The following COPB1 variants were observed in gnomAD, a reference collection of about 807,000 sequenced individuals.
COPB1 encodes coat protein complex I subunit beta 1.
Under a neutral mutation model 108.7 loss-of-function variants are expected in COPB1, and 21 were observed. The ratio of observed to expected loss-of-function variants is 0.19; its 90% CI spans 0.14 to 0.28. The LOEUF is 0.28. Ranked by LOEUF, COPB1 falls within the 10% of genes least tolerant of loss-of-function variation. COPB1 has a pLI of 1.00. For synonymous variants in COPB1, 378 were observed against 386.8 expected (o/e 0.98, Z 0.27); for missense variants, 919 against 1,141.3 (o/e 0.81, Z 2.81).
intron 5 of COPB1, among the ~76,000 whole-genome samples, chr11:14,490,210 G>A (rs1430305336): frequency 6.6e-6 from 1 of 152,158 alleles, no homozygotes; most frequent in Non-Finnish European, 1.5e-5. Context: ...TATTTCCACA[G>A]GCATGGCTAA....
Position 14,468,818 on chromosome 11 carries a change from G to T in COPB1, c.2008C>A (p.Pro670Thr), listed in dbSNP as rs1850340332. Reference protein sequence around the residue: ...KRNVTVQPDDPISFMQLTAKN... With the variant: ...KRNVTVQPDDTISFMQLTAKN... ...GCAGTTAGTTGCATGAAGGAAATGGGGTCATCAGGCTGTACTGTCACATTC... is the reference window on the plus strand; with the variant it reads ...GCAGTTAGTTGCATGAAGGAAATGGTGTCATCAGGCTGTACTGTCACATTC... Residue 670 changes from proline (P) to threonine (T), a missense_variant, in exon 16 of 22, where the codon CCC becomes ACC. This residue lies in a region of COPB1 where 705 missense variants were observed against 817.8 expected (regional missense o/e 0.86). Transcript: ENST00000439561. 1 of 1,613,786 alleles carries T rather than the reference G, an allele frequency of 6.2e-7. No homozygotes were observed. The highest frequency in any genetic ancestry group is 8.5e-7 in the Non-Finnish European group (1 of 1,179,870).
chr11:14,493,907 G>A, intron 3 of COPB1, 96 bp from the exon 4 acceptor site: 1 of 1,134,794 alleles, frequency 8.8e-7, no homozygotes, highest in Non-Finnish European at 1.2e-6. Context: ...AAATACGTTT[G>A]AGAAAAAACC....
chr11:14,476,937 G>A lies in COPB1; in HGVS notation c.1437C>T (p.Ile479=). 1 of 1,608,094 alleles carries A rather than the reference G, an allele frequency of 6.2e-7. No individual in the cohort carries two copies. The highest frequency in any genetic ancestry group is 2.2e-5 in the East Asian group (1 of 44,848). Residue 479 remains isoleucine, a synonymous_variant, in exon 12 of 22, where the codon ATC becomes ATT. Coordinates refer to ENST00000439561, the MANE Select transcript of COPB1 (RefSeq NM_001144061.2). Reference sequence around the variant, plus strand: ...AACATACCTCTCCAAGGGACCTGCGGATCTCAGTCATCACACTCTGAATGT... The same window carrying A: ...AACATACCTCTCCAAGGGACCTGCGAATCTCAGTCATCACACTCTGAATGT... ...KEDIQSVMTE[I]RRSLGEIPIV...
intron 2 of COPB1, 39 bp downstream of exon 2, chr11:14,498,799 C>G (rs751375326): frequency 6.7e-7 from 1 of 1,484,572 alleles, no homozygotes; most frequent in African/African-American, 1.4e-5. Flanking sequence ...TTTGTTTTTT[C>G]TTTTTTCATT....
intron 18 of COPB1, 120 bp downstream of exon 18, chr11:14,464,791 C>T (rs960589366): frequency 8.3e-6 from 9 of 1,087,876 alleles, no homozygotes; most frequent in Non-Finnish European, 1.3e-6. Context: ...TAGAGAGTAT[C>T]TCATAAATTA....
rs748122171 is a variant in COPB1, at chr11:14,458,651, G to A, written c.2683C>T (p.Leu895Phe). ...TCACCAAATATGGAACGAGCATAAAGGTTGGCTGCCATAAAGCCACAGTAA... is the reference window on the plus strand; with the variant it reads ...TCACCAAATATGGAACGAGCATAAAAGTTGGCTGCCATAAAGCCACAGTAA... Reference protein sequence around the residue: ...SGYCGFMAANLYARSIFGEDA... With the variant: ...SGYCGFMAANFYARSIFGEDA... The change falls in exon 21 of 22, where the codon CTT becomes TTT. Residue 895 changes from leucine (L) to phenylalanine (F), a missense_variant. This residue lies in a region of COPB1 where 705 missense variants were observed against 817.8 expected (regional missense o/e 0.86). Transcript: ENST00000439561. 1 of 1,612,726 alleles carries A rather than the reference G, an allele frequency of 6.2e-7. No individual in the cohort carries two copies. Among genetic ancestry groups the A allele is most frequent in the South Asian group, 1.1e-5 (1 of 90,804 alleles).
chr11:14,480,667 G>T, intron 10 of COPB1, 92 bp downstream of exon 10: 1 of 1,226,736 alleles, frequency 8.2e-7, no homozygotes, highest in Non-Finnish European at 1.1e-6. Context: ...ATGGTTCTAG[G>T]CAGCTGAGAT....
At chr11:14,479,809 T>TAA in intron 10 of COPB1, 95 bp from the exon 11 acceptor site, 1 of 1,268,770 alleles carries the variant, frequency 7.9e-7, no homozygotes, top group Non-Finnish European at 1.1e-6. Flanking sequence ...GTAATTCTTT[T>TAA]TTTGTTTTCT....
At chr11:14,478,957 C>CAAAAAAAAAAAAAA (rs35295507) in intron 11 of COPB1, 1 of 68,394 alleles carries the variant, frequency 1.5e-5, no homozygotes, top group Non-Finnish European at 2.6e-5. Context: ...AGCCCTCTCA[C>CAAAAAAAAAAAAAA]AAAAAAAAAA....
rs1017506198 is a variant in COPB1, at chr11:14,493,100, C to T, written c.491+542G>A. Among the ~76,000 whole-genome samples, 6 of 152,098 alleles carry T rather than the reference C, an allele frequency of 3.9e-5. No homozygotes were observed. The East Asian group carries it at 9.6e-4, about 24-fold the overall frequency. On this transcript the variant is annotated intron_variant, in intron 4 of 21. Coordinates refer to ENST00000439561, the MANE Select transcript of COPB1 (RefSeq NM_001144061.2). ...GGTGGAGGTTGTTGTGAGCCGAGATCGCGCCACTGTGCTCCAGCCTGGGCA... is the reference window on the plus strand; with the variant it reads ...GGTGGAGGTTGTTGTGAGCCGAGATTGCGCCACTGTGCTCCAGCCTGGGCA...
At chr11:14,458,457 TAGAAATAA>T (rs1262526327) in intron 21 of COPB1, 67 bp downstream of exon 21, 5 of 1,396,452 alleles carry the variant, frequency 3.6e-6, no homozygotes, top group Non-Finnish European at 4.9e-6. Flanking sequence ...ATACTACATA[TAGAAATAA>T]TAAAGTCATA....
At chr11:14,470,617 A>G (rs1323799796) in intron 14 of COPB1, among the ~76,000 whole-genome samples, 2 of 152,164 alleles carry the variant, frequency 1.3e-5, no homozygotes, top group African/African-American at 2.4e-5. Context: ...ACATGCATGA[A>G]AAACTACTGG....
At chr11:14,471,865 T>C (rs1850412130) in intron 14 of COPB1, among the ~76,000 whole-genome samples, 1 of 152,144 alleles carries the variant, frequency 6.6e-6, no homozygotes, top group Non-Finnish European at 1.5e-5. Context: ...GAGGTTGCAG[T>C]GAGCTGAGAT....
At position 14,457,709 on chromosome 11, in the gene COPB1, A is replaced by G; in HGVS notation, c.*115T>C. 1 of 722,004 alleles carries G rather than the reference A, an allele frequency of 1.4e-6. No homozygotes were observed. The highest frequency in any genetic ancestry group is 2.5e-6 in the Non-Finnish European group (1 of 404,742). The allele number at this position is 722,004 out of a possible 1,614,324, so 44.7% of individuals were successfully genotyped here. On this transcript the variant is annotated 3_prime_UTR_variant, in exon 22 of 22. Transcript: ENST00000439561. ...AAAGGCTATAAATTATTGGCTGAAA[A>G]GTATTCAGCATGAACTCAGATTCTA...
chr11:14,469,807 G>T (rs1048138931), intron 14 of COPB1, among the ~76,000 whole-genome samples: 3 of 152,066 alleles, frequency 2.0e-5, no homozygotes, highest in Non-Finnish European at 4.4e-5. Flanking sequence ...GTTTTCCCTT[G>T]CTCCAGTCCT....
chr11:14,475,697 C>G, intron 13 of COPB1, 88 bp downstream of exon 13: 1 of 1,312,832 alleles, frequency 7.6e-7, no homozygotes, highest in Non-Finnish European at 1.0e-6. Flanking sequence ...GTTGCAAAAG[C>G]AAGAGGAAAG....
At position 14,490,620 on chromosome 11, in the gene COPB1, T is replaced by C. The variant is rs1350053544; in HGVS notation, c.551A>G (p.Glu184Gly). 1.9e-6 allele frequency: 3 copies of C among 1,613,388 alleles called. No homozygotes were observed. Among genetic ancestry groups the C allele is most frequent in the Non-Finnish European group, 2.5e-6 (3 of 1,179,762 alleles). Residue 184 changes from glutamate to glycine, a missense_variant, in exon 5 of 22, where the codon GAG becomes GGG. Physicochemically the swap from Glu to Gly is moderately conservative, Grantham distance 98 (BLOSUM62 -2). Coordinates refer to ENST00000439561, the MANE Select transcript of COPB1 (RefSeq NM_001144061.2). ...PELIHDFLVNEKDASCKRNAF... is the reference protein window; with the variant it reads ...PELIHDFLVNGKDASCKRNAF... ...ATTCCTTTTGCAACTTGCATCCTTCTCATTCACCAGAAAATCATGTATCAG... is the reference window on the plus strand; with the variant it reads ...ATTCCTTTTGCAACTTGCATCCTTCCCATTCACCAGAAAATCATGTATCAG...
chr11:14,478,417 AAAAT>A (rs909805303), intron 11 of COPB1, among the ~76,000 whole-genome samples: 6 of 132,482 alleles, frequency 4.5e-5, no homozygotes, highest in East Asian at 4.6e-4. Context: ...CTCTCTTAAA[AAAAT>A]AAATAAATAA....
intron 16 of COPB1, among the ~76,000 whole-genome samples, chr11:14,467,436 G>GT: frequency 6.6e-6 from 1 of 152,200 alleles, no homozygotes; most frequent in Middle Eastern, 3.4e-3. Flanking sequence ...TGCACTGCTG[G>GT]TAAGAATGTA....
Sources: allele counts gnomAD v4.1 joint callset (sites outside exome capture counted in the v4.1 genomes callset), GRCh38; gene constraint gnomAD v4.1.1; regional missense constraint gnomAD v4.1.1; transcripts MANE v1.5; gene names NCBI Gene and HGNC (gene_info 2026-07-23, HGNC 2026-07-21).